Variants in IPO8 observed in about 807,000 individuals in gnomAD.
The protein encoded by IPO8 is importin-8.
In IPO8, 65 loss-of-function variants were observed where a neutral mutation model predicts 141.2. That is an observed-to-expected ratio of 0.46 (90% CI 0.38 to 0.57). IPO8 has a LOEUF of 0.57. Among genes scored for constraint, IPO8 ranks in the 20% least tolerant of loss-of-function variants. The probability of loss-of-function intolerance (pLI) is 0.00; values close to 1 mark genes in which losing one functional copy is unlikely to be tolerated. For missense variants in IPO8, 980 were observed against 1,246.8 expected, an observed-to-expected ratio of 0.79 and a Z score of 3.22; for synonymous variants, 411 against 420.3, an observed-to-expected ratio of 0.98 and a Z score of 0.27.
chr12:30,689,419 T>C (rs540371147), intron 2 of IPO8, among the ~76,000 whole-genome samples: 1 of 152,282 alleles, frequency 6.6e-6, no homozygotes, highest in South Asian at 2.1e-4. Context: ...CAAGTGCCAA[T>C]TGTGGTTTCA....
Position 30,656,058 on chromosome 12 carries a change from G to A in IPO8, c.1948+626C>T, listed in dbSNP as rs145686423. Among the ~76,000 whole-genome samples, 113 of 152,292 alleles carry A rather than the reference G, an allele frequency of 7.4e-4. 1 individual carries two copies. The East Asian group carries it at 0.015, about 21-fold the overall frequency. On this transcript the variant is annotated intron_variant, in intron 17 of 24. Coordinates refer to ENST00000256079, the MANE Select transcript of IPO8 (RefSeq NM_006390.4). Reference sequence around the variant, plus strand: ...ATAGGACAATTAATTCATACTTTGAGACAGGATCTCACTCTGTTGCCCAGG... The same window carrying A: ...ATAGGACAATTAATTCATACTTTGAAACAGGATCTCACTCTGTTGCCCAGG...
At chr12:30,653,682 C>T (rs1295085244) in intron 17 of IPO8, among the ~76,000 whole-genome samples, 1 of 151,892 alleles carries the variant, frequency 6.6e-6, no homozygotes, top group Non-Finnish European at 1.5e-5. Flanking sequence ...TATCATTATC[C>T]TCAGTCAAAA....
intron 22 of IPO8, among the ~76,000 whole-genome samples, chr12:30,635,664 C>G (rs1282199784): frequency 6.6e-6 from 1 of 151,904 alleles, no homozygotes; most frequent in Non-Finnish European, 1.5e-5. Context: ...AAACCCAAAC[C>G]AGGTAATATT....
At chr12:30,680,187 T>A (rs1221472379) in intron 5 of IPO8, among the ~76,000 whole-genome samples, 1 of 152,176 alleles carries the variant, frequency 6.6e-6, no homozygotes, top group Non-Finnish European at 1.5e-5. Context: ...GCAGGAATGC[T>A]ACAGAACAGA....
rs2052740004 is a variant in IPO8 at position 30,652,365 on chromosome 12, T to C, written c.2075-76A>G. 1.1e-5 allele frequency: 9 copies of C among 839,198 alleles called. No individual in the cohort carries two copies. In the South Asian group the frequency reaches 1.1e-4, roughly 11 times the overall value. The allele number at this position is 839,198 out of a possible 1,614,324, so 52.0% of individuals were successfully genotyped here. A position where few individuals can be genotyped will look rare whatever the true frequency, so the allele number is the denominator to read the frequency against. On this transcript the variant is annotated intron_variant, in intron 18 of 24. Transcript: ENST00000256079. ...AAATTATTCCCACTGAAACCATATTTCTGTAGCACCCACACATTAGTATCT... is the reference window on the plus strand; with the variant it reads ...AAATTATTCCCACTGAAACCATATTCCTGTAGCACCCACACATTAGTATCT...
At position 30,695,834 on chromosome 12, in the gene IPO8, T is replaced by G; in HGVS notation, c.-187A>C. The G allele has an allele frequency of 2.0e-6, 1 of 507,866 alleles. No individual in the cohort carries two copies. The highest frequency in any genetic ancestry group is 3.5e-6 in the Non-Finnish European group (1 of 283,546). The allele number at this position is 507,866 out of a possible 1,614,324, so 31.5% of individuals were successfully genotyped here. On this transcript the variant is annotated 5_prime_UTR_variant, in exon 1 of 25. Transcript: ENST00000256079. This position sits in a 1 kb window ranked among gnomAD's most constrained non-coding sequence, Gnocchi z 4.2. ...CTCCGCGCCCCCTGTCCTCCCTTTT[T>G]CCCCCCCACAACTCGCTCTCCATTC... is the stretch of plus-strand genomic sequence containing the variant.
intron 22 of IPO8, among the ~76,000 whole-genome samples, chr12:30,634,497 T>C (rs77634923): frequency 0.013 from 1,940 of 152,266 alleles, 36 homozygotes; most frequent in African/African-American, 0.044. Context: ...ATCTTTACTG[T>C]AGAGTTTGCT....
Position 30,669,306 on chromosome 12 carries a change from C to T in IPO8, c.1045-24G>A, listed in dbSNP as rs7955420. 1.5e-5 allele frequency: 15 copies of T among 1,030,336 alleles called. 2 individuals are homozygous for T. Among genetic ancestry groups the T allele is most frequent in the Middle Eastern group, 4.5e-4 (2 of 4,458 alleles). The allele number at this position is 1,030,336 out of a possible 1,614,324, so 63.8% of individuals were successfully genotyped here. A position where few individuals can be genotyped will look rare whatever the true frequency, so the allele number is the denominator to read the frequency against. ...TTCTAAAATGAGAAAAAAAAAAAAA[C>T]GTAACAAATGGGTATAGGCTATTCA... On this transcript the variant is annotated intron_variant, in intron 9 of 24. Coordinates refer to ENST00000256079, the MANE Select transcript of IPO8 (RefSeq NM_006390.4).
chr12:30,663,028 A>ACG (rs75294099), intron 14 of IPO8, among the ~76,000 whole-genome samples: 27,920 of 126,972 alleles, frequency 0.22, 3,148 homozygotes, highest in East Asian at 0.3. Flanking sequence ...TTTGATCAGA[A>ACG]CACTGAACAA....
chr12:30,659,759 G>A (rs557275147), intron 16 of IPO8, among the ~76,000 whole-genome samples: 49 of 151,500 alleles, frequency 3.2e-4, no homozygotes, highest in Admixed American at 1.1e-3. Context: ...GGAGGCTGAG[G>A]CAGGAGAATG....
At chr12:30,680,145 C>T (rs1454348285) in intron 5 of IPO8, among the ~76,000 whole-genome samples, 1 of 148,556 alleles carries the variant, frequency 6.7e-6, no homozygotes, top group Non-Finnish European at 1.5e-5. Flanking sequence ...TCTTTTCCTT[C>T]TTCTTCTCTT....
intron 20 of IPO8, among the ~76,000 whole-genome samples, chr12:30,642,193 A>G (rs1028826678): frequency 2.0e-5 from 3 of 152,068 alleles, no homozygotes; most frequent in African/African-American, 7.2e-5. Flanking sequence ...CAAGAGCGAG[A>G]CTTCATCTCA....
intron 20 of IPO8, among the ~76,000 whole-genome samples, chr12:30,644,057 G>A (rs892239323): frequency 1.3e-5 from 2 of 152,146 alleles, no homozygotes; most frequent in African/African-American, 4.8e-5. Context: ...AATAACAAAG[G>A]GAGAAAAGAG....
rs781225885 is a variant in IPO8 at position 30,695,519 on chromosome 12, G to A, written c.84+45C>T. On this transcript the variant is annotated intron_variant, in intron 1 of 24. Transcript: ENST00000256079. The surrounding 1 kb of genome is among the most constrained non-coding windows in gnomAD (Gnocchi z 4.2). Reference sequence around the variant, plus strand: ...AGAGGGAGCCCGGCCAGCCGGCAGGGGCGCCCCTTCGGCGGAAGAGGGTCG... The same window carrying A: ...AGAGGGAGCCCGGCCAGCCGGCAGGAGCGCCCCTTCGGCGGAAGAGGGTCG... The A allele has an allele frequency of 1.9e-6, 3 of 1,567,514 alleles. No homozygotes were observed. In the African/African-American group the frequency reaches 4.1e-5, roughly 21 times the overall value.
chr12:30,674,723 G>C lies in IPO8; in HGVS notation c.760C>G (p.Pro254Ala). The C allele has an allele frequency of 1.2e-6, 2 of 1,613,340 alleles. No homozygotes were observed. Among genetic ancestry groups the C allele is most frequent in the Non-Finnish European group, 1.7e-6 (2 of 1,179,546 alleles). Reference sequence around the variant, plus strand: ...TTACACTTCCACCATACCAGTTCTGGTCTATCATCCTCATCAATGTGCAGA... The same window carrying C: ...TTACACTTCCACCATACCAGTTCTGCTCTATCATCCTCATCAATGTGCAGA... ...ETLHIDEDDR[P>A]ELVWWKCKKW... The change falls in exon 7 of 25, where the codon CCA becomes GCA. Residue 254 changes from proline to alanine, a missense_variant. Pro to Ala is a conservative substitution (Grantham distance 27). Coordinates refer to ENST00000256079, the MANE Select transcript of IPO8 (RefSeq NM_006390.4).
chr12:30,648,803 G>T (rs1385986060), intron 20 of IPO8, among the ~76,000 whole-genome samples: 1 of 151,906 alleles, frequency 6.6e-6, no homozygotes, highest in Non-Finnish European at 1.5e-5. Flanking sequence ...GTTAGAAAAG[G>T]TACCTAGGAG....
intron 17 of IPO8, among the ~76,000 whole-genome samples, chr12:30,654,699 A>T (rs1013071407): frequency 2.0e-5 from 3 of 152,094 alleles, no homozygotes; most frequent in Non-Finnish European, 4.4e-5. Context: ...AAAAAGACGA[A>T]AGTTAAATGC....
chr12:30,664,465 A>G (rs2052933407), intron 13 of IPO8, among the ~76,000 whole-genome samples: 2 of 152,216 alleles, frequency 1.3e-5, no homozygotes, highest in Non-Finnish European at 2.9e-5. Context: ...CATAAAATAT[A>G]TTGATTCTAA....
At chr12:30,693,683 C>G (rs1252280686) in intron 1 of IPO8, among the ~76,000 whole-genome samples, 1 of 152,192 alleles carries the variant, frequency 6.6e-6, no homozygotes, top group African/African-American at 2.4e-5. Context: ...ATATTTTGTT[C>G]TATTTACAGC....
Sources: gnomAD v4.1 joint callset for allele counts (sites outside exome capture counted in the v4.1 genomes callset) on GRCh38, gnomAD v4.1.1 for gene constraint, Gnocchi (gnomAD v3.1) non-coding constraint, MANE v1.5 for transcripts, NCBI Gene and HGNC (gene_info 2026-07-23, HGNC 2026-07-21) for gene names.